Variants in GCNT1 observed in about 807,000 individuals in gnomAD.
The protein encoded by GCNT1 is beta-1,3-galactosyl-O-glycosyl-glycoprotein beta-1,6-N-acetylglucosaminyltransferase.
In GCNT1, 16 loss-of-function variants were observed where a neutral mutation model predicts 26.2. The ratio of observed to expected loss-of-function variants is 0.61; its 90% CI spans 0.41 to 0.93. The LOEUF (loss-of-function observed/expected upper bound fraction) is 0.93, where lower values mean the gene tolerates loss of function less well. GCNT1 is among the 40% of genes least tolerant of loss of function. The pLI is 0.00. For missense variants in GCNT1, 477 were observed against 526.7 expected (o/e 0.91, Z 0.92); for synonymous variants, 183 against 190.8 (o/e 0.96, Z 0.34).
At chr9:76,478,211 C>G (rs1278252612) in intron 2 of GCNT1, among the ~76,000 whole-genome samples, 1 of 152,212 alleles carries the variant, frequency 6.6e-6, no homozygotes, top group Non-Finnish European at 1.5e-5. Flanking sequence ...GGTTCTTTTG[C>G]TCTTCACAAT....
At chr9:76,482,810 A>ACT (rs1824456718) in intron 2 of GCNT1, among the ~76,000 whole-genome samples, 1 of 61,396 alleles carries the variant, frequency 1.6e-5, no homozygotes, top group Non-Finnish European at 3.7e-5. Context: ...ACACCGGGCT[A>ACT]ATTTTTTTTT....
the GCNT1 span, among the ~76,000 whole-genome samples, chr9:76,411,626 G>A: frequency 6.7e-6 from 1 of 149,994 alleles, no homozygotes; most frequent in Non-Finnish European, 1.5e-5. Context: ...AATGCACTCA[G>A]CCCATTTGTG....
At chr9:76,428,501 CT>C (rs943958760) in intron 1 of GCNT1, among the ~76,000 whole-genome samples, 2 of 151,470 alleles carry the variant, frequency 1.3e-5, no homozygotes, top group Non-Finnish European at 2.9e-5. Flanking sequence ...GACATATTTG[CT>C]TTTTTTGACT....
intron 2 of GCNT1, among the ~76,000 whole-genome samples, chr9:76,461,306 A>G (rs879677457): frequency 6.6e-6 from 1 of 151,970 alleles, no homozygotes; most frequent in Non-Finnish European, 1.5e-5. Context: ...TTAGAACACA[A>G]AGAGGGCCGG....
chr9:76,502,084 T>C (rs1436367115), intron 3 of GCNT1, among the ~76,000 whole-genome samples, 155 bp from the exon 4 acceptor site: 2 of 152,086 alleles, frequency 1.3e-5, no homozygotes, highest in Non-Finnish European at 2.9e-5. Flanking sequence ...TCAGCCACTT[T>C]GTTTTTGTTT....
chr9:76,406,754 G>A, the GCNT1 span, among the ~76,000 whole-genome samples: 1 of 151,868 alleles, frequency 6.6e-6, no homozygotes, highest in Non-Finnish European at 1.5e-5. Flanking sequence ...AGTTTTAAGA[G>A]TTCTGGCCAG....
intron 2 of GCNT1, among the ~76,000 whole-genome samples, chr9:76,493,050 T>C (rs1824791515): frequency 6.6e-6 from 1 of 152,180 alleles, no homozygotes; most frequent in Admixed American, 6.5e-5. Flanking sequence ...GGGGAGTATA[T>C]TTTCTTAAGG....
intron 2 of GCNT1, among the ~76,000 whole-genome samples, chr9:76,499,416 C>T (rs661901): frequency 0.23 from 34,532 of 152,130 alleles, 4,400 homozygotes; most frequent in African/African-American, 0.34. Context: ...GCATGAGCCA[C>T]CACACCTAGC....
chr9:76,503,757 G>C lies in GCNT1; in HGVS notation c.*89G>C. 1 of 1,055,628 alleles carries C rather than the reference G, an allele frequency of 9.5e-7. No individual in the cohort carries two copies. The highest frequency in any genetic ancestry group is 1.4e-5 in the South Asian group (1 of 70,932). 65.4% of individuals were successfully genotyped at this position (1,055,628 alleles called of 1,614,324 possible). ...CTTCCTTGTCAGCATCGGGAAGATG[G>C]TATGAAGTCCTCTTTGGGGCAGGGA... is the stretch of plus-strand genomic sequence containing the variant. On this transcript the variant is annotated 3_prime_UTR_variant, in exon 4 of 4. Coordinates refer to ENST00000376730, the MANE Select transcript of GCNT1 (RefSeq NM_001490.5).
intron 1 of GCNT1, among the ~76,000 whole-genome samples, chr9:76,447,089 A>C (rs1426805859): frequency 7.9e-6 from 1 of 126,716 alleles, no homozygotes; most frequent in Non-Finnish European, 1.6e-5. Flanking sequence ...CAGGAGATTG[A>C]GGCTGCAGTG....
intron 2 of GCNT1, among the ~76,000 whole-genome samples, chr9:76,478,355 A>G (rs572239619): frequency 6.6e-6 from 1 of 152,306 alleles, no homozygotes; most frequent in South Asian, 2.1e-4. Flanking sequence ...GCCATCTTTA[A>G]GAGCTGTAAC....
At chr9:76,461,848 C>T (rs1823877884) in intron 2 of GCNT1, among the ~76,000 whole-genome samples, 1 of 152,298 alleles carries the variant, frequency 6.6e-6, no homozygotes, top group Non-Finnish European at 1.5e-5. Context: ...GGGATCGTGC[C>T]ACTGCACTCA....
At chr9:76,472,856 C>G (rs1206388556) in intron 2 of GCNT1, among the ~76,000 whole-genome samples, 1 of 150,298 alleles carries the variant, frequency 6.7e-6, no homozygotes, top group East Asian at 2.0e-4. Context: ...TCAAGTAATT[C>G]CCCTGCCTCA....
upstream of GCNT1, among the ~76,000 whole-genome samples, chr9:76,415,747 A>T (rs1251662792): frequency 6.6e-6 from 1 of 152,238 alleles, no homozygotes; most frequent in Non-Finnish European, 1.5e-5. Flanking sequence ...AAAGAAAGTT[A>T]TTGACAACTA....
chr9:76,423,135 G>A (rs573654400), intron 1 of GCNT1, among the ~76,000 whole-genome samples: 2 of 152,244 alleles, frequency 1.3e-5, no homozygotes, highest in South Asian at 4.1e-4. Context: ...TAACTTAGTC[G>A]TCCATGATCA....
chr9:76,484,763 C>T (rs1392805193), intron 2 of GCNT1, among the ~76,000 whole-genome samples: 1 of 149,342 alleles, frequency 6.7e-6, no homozygotes, highest in Non-Finnish European at 1.5e-5. Flanking sequence ...CATGTATAAA[C>T]TGAGCATAGC....
rs148129490 is a variant in GCNT1 at position 76,460,114 on chromosome 9, C to G, written c.-353C>G. On this transcript the variant is annotated 5_prime_UTR_variant, in exon 2 of 4. Transcript: ENST00000376730. The stretch of plus-strand genomic sequence containing the variant: ...CTGTCACGCCTCCCTCTCCTCTTCC[C>G]GTCTCCCAGCGTGGATGAGGGCGCC... 12 of 152,286 alleles carry G rather than the reference C, an allele frequency of 7.9e-5. No individual in the cohort carries two copies. The highest frequency in any genetic ancestry group is 1.3e-4 in the Non-Finnish European group (9 of 68,090). The allele number at this position is 152,286 out of a possible 1,614,324, so 9.4% of individuals were successfully genotyped here. A position where few individuals can be genotyped will look rare whatever the true frequency, so the allele number is the denominator to read the frequency against.
chr9:76,503,385 C>T lies in GCNT1; in HGVS notation c.1004C>T (p.Ser335Leu), dbSNP rs1825142048. The T allele has an allele frequency of 6.2e-7, 1 of 1,614,068 alleles. No individual in the cohort carries two copies. The highest frequency in any genetic ancestry group is 1.3e-5 in the African/African-American group (1 of 74,928). ...CAAAGGATTCCTGAAGTCCCGGGCT[C>T]ACTCCCTGCCAGCCATAAGTATGAT... ...TIQRIPEVPGSLPASHKYDLS... is the reference protein window; with the variant it reads ...TIQRIPEVPGLLPASHKYDLS... Residue 335 changes from serine (S) to leucine (L), a missense_variant, in exon 4 of 4, where the codon TCA becomes TTA. By Grantham distance (145) the Ser-to-Leu change is moderately radical (BLOSUM62 -2). Coordinates refer to ENST00000376730, the MANE Select transcript of GCNT1 (RefSeq NM_001490.5).
chr9:76,456,901 G>A (rs2131590717), upstream of GCNT1, among the ~76,000 whole-genome samples: 2 of 152,330 alleles, frequency 1.3e-5, 1 homozygote, highest in Middle Eastern at 6.8e-3. Flanking sequence ...CTGAGCAGGG[G>A]TAAGTTGAGG....
Sources: allele counts gnomAD v4.1 joint callset (sites outside exome capture counted in the v4.1 genomes callset), GRCh38; gene constraint gnomAD v4.1.1; transcripts MANE v1.5; gene names NCBI Gene and HGNC (gene_info 2026-07-23, HGNC 2026-07-21).